FABP12: variants seen among roughly 807,000 people sequenced by gnomAD.
FABP12 encodes fatty acid-binding protein 12.
Under a neutral mutation model 13.7 loss-of-function variants are expected in FABP12, and 19 were observed. The observed-to-expected ratio is 1.39, with a 90% CI of 0.97 to 2.04. The LOEUF (loss-of-function observed/expected upper bound fraction) is 2.04, where lower values mean the gene tolerates loss of function less well. Ranked by LOEUF, FABP12 falls within the 30% of genes most tolerant of loss-of-function variation. The pLI, the probability that FABP12 is intolerant of heterozygous loss-of-function variation, is 0.00. For missense variants in FABP12, 182 were observed against 164.2 expected, an observed-to-expected ratio of 1.11 and a Z score of -0.59; for synonymous variants, 61 against 57.0, an observed-to-expected ratio of 1.07 and a Z score of -0.32.
chr8:81,587,170 G>C (rs1047968028), intron 1 of FABP12, among the ~76,000 whole-genome samples: 1 of 152,156 alleles, frequency 6.6e-6, no homozygotes, highest in Non-Finnish European at 1.5e-5. Flanking sequence ...TTTTGGACCA[G>C]TACCATGCTT....
At chr8:81,543,213 T>G (rs1206984335) in intron 1 of FABP12, among the ~76,000 whole-genome samples, 1 of 152,204 alleles carries the variant, frequency 6.6e-6, no homozygotes, top group Admixed American at 6.5e-5. Flanking sequence ...ACTAATTAGC[T>G]TCAGGCTAGG....
intron 1 of FABP12, among the ~76,000 whole-genome samples, chr8:81,547,841 T>C (rs1013052589): frequency 6.6e-6 from 1 of 152,214 alleles, no homozygotes; most frequent in Admixed American, 6.5e-5. Flanking sequence ...TGTCATCTCA[T>C]TTATTCTTCA....
intron 1 of FABP12, among the ~76,000 whole-genome samples, chr8:81,547,771 C>T (rs894666789): frequency 6.6e-6 from 1 of 152,138 alleles, no homozygotes; most frequent in African/African-American, 2.4e-5. Flanking sequence ...GATGAGAACA[C>T]CAACTTTTGA....
chr8:81,587,531 A>G (rs1316533669), intron 1 of FABP12, among the ~76,000 whole-genome samples: 1 of 151,998 alleles, frequency 6.6e-6, no homozygotes, highest in Non-Finnish European at 1.5e-5. Context: ...GTATTTATAG[A>G]TATTTTATTA....
chr8:81,574,159 T>C (rs1809989321), intron 1 of FABP12, among the ~76,000 whole-genome samples: 2 of 152,182 alleles, frequency 1.3e-5, no homozygotes, highest in Admixed American at 6.5e-5. Context: ...GTTTTAATCA[T>C]AAAGGGATGC....
chr8:81,551,936 C>T (rs1201587448), intron 1 of FABP12, among the ~76,000 whole-genome samples: 10 of 151,990 alleles, frequency 6.6e-5, no homozygotes, highest in East Asian at 1.9e-4. Flanking sequence ...AGGGTCTAGT[C>T]GGGGCCCCAT....
chr8:81,539,433 C>CTTTTTTTTTTTTTTTTTTTT, intron 2 of FABP12, among the ~76,000 whole-genome samples: 1 of 50,028 alleles, frequency 2.0e-5, no homozygotes, highest in South Asian at 1.4e-3. Context: ...TTCTTTAGTT[C>CTTTTTTTTTTTTTTTTTTTT]TTTTTTTTTT....
chr8:81,576,889 T>A (rs1477162872), intron 1 of FABP12, among the ~76,000 whole-genome samples: 1 of 152,200 alleles, frequency 6.6e-6, no homozygotes, highest in East Asian at 1.9e-4. Context: ...AATTTTAGAC[T>A]CACACTAAAA....
chr8:81,565,064 G>GA (rs918634413), intron 1 of FABP12, among the ~76,000 whole-genome samples: 11 of 151,246 alleles, frequency 7.3e-5, no homozygotes, highest in Admixed American at 2.0e-4. Flanking sequence ...TAGATTTCAA[G>GA]AAAAAAAACT....
upstream of FABP12, among the ~76,000 whole-genome samples, chr8:81,537,185 A>G (rs187695042): frequency 6.6e-6 from 1 of 152,200 alleles, no homozygotes; most frequent in African/African-American, 2.4e-5. Context: ...TGAGATGGTT[A>G]TCAGTCAAAT....
chr8:81,582,001 TAAAC>T (rs1294560772), intron 1 of FABP12, among the ~76,000 whole-genome samples: 2 of 146,888 alleles, frequency 1.4e-5, no homozygotes, highest in Non-Finnish European at 3.0e-5. Context: ...AAACAAAAAA[TAAAC>T]AAAACAACCA....
At chr8:81,561,331 G>A (rs552756917) in intron 1 of FABP12, among the ~76,000 whole-genome samples, 3 of 152,208 alleles carry the variant, frequency 2.0e-5, no homozygotes, top group African/African-American at 7.2e-5. Context: ...GAACCCACTG[G>A]CAAAAAATAA....
chr8:81,543,676 A>T (rs1809389197), intron 1 of FABP12, among the ~76,000 whole-genome samples: 1 of 152,184 alleles, frequency 6.6e-6, no homozygotes, highest in Non-Finnish European at 1.5e-5. Flanking sequence ...GTTAATGGTG[A>T]TTGTCTTAGA....
chr8:81,532,880 T>C (rs796561219), intron 1 of FABP12: 3 of 152,364 alleles, frequency 2.0e-5, no homozygotes, highest in African/African-American at 7.2e-5. Context: ...TTGGTTGGTT[T>C]TCCTGAGTAA....
chr8:81,526,717 T>C (rs1428810811), intron 4 of FABP12, among the ~76,000 whole-genome samples: 2 of 152,142 alleles, frequency 1.3e-5, no homozygotes, highest in Admixed American at 1.3e-4. Flanking sequence ...GAGTAGAGGA[T>C]TGGCAACAAC....
intron 1 of FABP12, among the ~76,000 whole-genome samples, chr8:81,546,539 T>C (rs1166300121): frequency 6.6e-6 from 1 of 150,660 alleles, no homozygotes; most frequent in Non-Finnish European, 1.5e-5. Context: ...GGCGGGCGCC[T>C]ATAGTTCCAG....
At chr8:81,563,701 A>G (rs1809766934) in intron 1 of FABP12, among the ~76,000 whole-genome samples, 1 of 152,188 alleles carries the variant, frequency 6.6e-6, no homozygotes, top group Non-Finnish European at 1.5e-5. Context: ...AGAATTAGTG[A>G]TCTTGAAGGC....
upstream of FABP12, among the ~76,000 whole-genome samples, chr8:81,534,121 A>T (rs7003466): frequency 0.33 from 50,217 of 151,778 alleles, 10,701 homozygotes; most frequent in African/African-American, 0.62. Context: ...TCTCTCTCTC[A>T]CACACATACA....
chr8:81,564,680 A>G (rs143281278), intron 1 of FABP12, among the ~76,000 whole-genome samples: 2,006 of 152,230 alleles, frequency 0.013, 49 homozygotes, highest in Non-Finnish European at 0.014. Context: ...AAATCAAAAA[A>G]TGTAACAACA....
Sources: allele counts gnomAD v4.1 joint callset (sites outside exome capture counted in the v4.1 genomes callset), GRCh38; gene constraint gnomAD v4.1.1; transcripts MANE v1.5; gene names NCBI Gene and HGNC (gene_info 2026-07-23, HGNC 2026-07-21).